LRRC8C: variants seen among roughly 807,000 people sequenced by gnomAD.
The protein encoded by LRRC8C is volume-regulated anion channel subunit LRRC8C.
In LRRC8C, 20 loss-of-function variants were observed where a neutral mutation model predicts 55.3. That is an observed-to-expected ratio of 0.36 (90% CI 0.25 to 0.53). The LOEUF is 0.53. LRRC8C is among the 20% of genes least tolerant of loss of function. The pLI is 0.92. For synonymous variants in LRRC8C, 376 were observed against 360.7 expected, an observed-to-expected ratio of 1.04 and a Z score of -0.48; for missense variants, 659 against 951.4, an observed-to-expected ratio of 0.69 and a Z score of 4.04.
At chr1:89,675,922 A>G (rs1657534777) in intron 1 of LRRC8C, among the ~76,000 whole-genome samples, 1 of 152,230 alleles carries the variant, frequency 6.6e-6, no homozygotes, top group Non-Finnish European at 1.5e-5. Flanking sequence ...TAATAGATAT[A>G]TGGAAAGAAA....
Position 89,714,930 on chromosome 1 carries a change from C to G in LRRC8C, c.2360C>G (p.Ala787Gly), listed in dbSNP as rs1300210026. ...LKRAGLVVED[A>G]LFETLPSDVR... Reference sequence around the variant, plus strand: ...CGAGCTGGTTTAGTTGTAGAAGATGCTCTGTTTGAAACTCTGCCTTCTGAC... The same window carrying G: ...CGAGCTGGTTTAGTTGTAGAAGATGGTCTGTTTGAAACTCTGCCTTCTGAC... Residue 787 changes from alanine to glycine, a missense_variant, in exon 3 of 3, where the codon GCT (alanine) becomes GGT (glycine). By Grantham distance (60) the Ala-to-Gly change is moderately conservative. Around this residue, in one of 5 missense-constraint regions of LRRC8C, gnomAD observed 344 missense variants for 464.6 expected, o/e 0.74. Coordinates refer to ENST00000370454, the MANE Select transcript of LRRC8C (RefSeq NM_032270.5). This position sits in a 1 kb window ranked among gnomAD's most constrained non-coding sequence, Gnocchi z 4.6. 1 of 1,608,622 alleles carries G rather than the reference C, an allele frequency of 6.2e-7. No individual in the cohort carries two copies. Among genetic ancestry groups the G allele is most frequent in the African/African-American group, 1.3e-5 (1 of 74,658 alleles).
chr1:89,615,899 A>G, the LRRC8C span, among the ~76,000 whole-genome samples: 3 of 152,256 alleles, frequency 2.0e-5, no homozygotes, highest in East Asian at 3.9e-4. Context: ...GCTTGTTTCC[A>G]TGGGAAATCA....
chr1:89,662,588 T>G (rs1223623107), intron 1 of LRRC8C, among the ~76,000 whole-genome samples: 1 of 152,146 alleles, frequency 6.6e-6, no homozygotes, highest in Non-Finnish European at 1.5e-5. Flanking sequence ...GGGTAGCAGC[T>G]AAGATGGGTC....
chr1:89,670,907 G>A (rs1418744454), intron 1 of LRRC8C, among the ~76,000 whole-genome samples: 5 of 152,164 alleles, frequency 3.3e-5, no homozygotes, highest in Non-Finnish European at 5.9e-5. Context: ...AAGCTAGTTG[G>A]TATGCATCTT....
the LRRC8C span, among the ~76,000 whole-genome samples, chr1:89,621,386 G>A: frequency 7.2e-5 from 11 of 151,916 alleles, no homozygotes; most frequent in Admixed American, 2.6e-4. Flanking sequence ...GGAGAATGGC[G>A]TGAACCCAGG....
chr1:89,680,236 C>T (rs1021763054), intron 1 of LRRC8C, among the ~76,000 whole-genome samples: 3 of 152,160 alleles, frequency 2.0e-5, no homozygotes, highest in Middle Eastern at 3.4e-3. Context: ...CACCACTACG[C>T]CCGGCTAATT....
chr1:89,700,758 T>A (rs1658295310), intron 2 of LRRC8C, among the ~76,000 whole-genome samples: 1 of 152,234 alleles, frequency 6.6e-6, no homozygotes, highest in South Asian at 2.1e-4. Context: ...GGAGGGAGGA[T>A]GAAGCATAAA....
intron 1 of LRRC8C, among the ~76,000 whole-genome samples, chr1:89,651,459 T>C (rs1656776126): frequency 6.8e-6 from 1 of 148,056 alleles, no homozygotes; most frequent in African/African-American, 2.5e-5. Context: ...TCCCAGCTAC[T>C]CGGGAGGCTG....
At chr1:89,620,486 T>C in the LRRC8C span, among the ~76,000 whole-genome samples, 1 of 150,204 alleles carries the variant, frequency 6.7e-6, no homozygotes, top group African/African-American at 2.4e-5. Flanking sequence ...TAAAGACACA[T>C]GCAAAATCAG....
At chr1:89,688,439 AAAT>A (rs1266980144) in intron 2 of LRRC8C, among the ~76,000 whole-genome samples, 2 of 152,254 alleles carry the variant, frequency 1.3e-5, no homozygotes, top group African/African-American at 4.8e-5. Context: ...CAATGGGAAA[AAAT>A]AAAGCATGCC....
chr1:89,675,688 A>G (rs544744986), intron 1 of LRRC8C, among the ~76,000 whole-genome samples: 74 of 152,388 alleles, frequency 4.9e-4, no homozygotes, highest in African/African-American at 1.7e-3. Flanking sequence ...ACCACAGCCA[A>G]TGATATTGAG....
At chr1:89,708,057 G>T (rs991975857) in intron 2 of LRRC8C, among the ~76,000 whole-genome samples, 5 of 151,966 alleles carry the variant, frequency 3.3e-5, no homozygotes, top group Non-Finnish European at 4.4e-5. Context: ...TTTGGATGAG[G>T]TTCTCTTGTT....
rs776215705 is a variant in LRRC8C at position 89,701,527 on chromosome 1, C to T, written c.139-11182C>T. Among the ~76,000 whole-genome samples, 5 of 151,180 alleles carry T rather than the reference C, an allele frequency of 3.3e-5. No individual in the cohort carries two copies. The South Asian group carries it at 6.3e-4, about 19-fold the overall frequency. ...GAAAAAGAACAATGGACTTTATTGT[C>T]GAGGATATAGGAAAGTAAGTATTTT... On this transcript the variant is annotated intron_variant, in intron 2 of 2. Coordinates refer to ENST00000370454, the MANE Select transcript of LRRC8C (RefSeq NM_032270.5).
upstream of LRRC8C, among the ~76,000 whole-genome samples, chr1:89,630,119 G>A (rs185043377): frequency 2.0e-5 from 3 of 151,982 alleles, no homozygotes; most frequent in East Asian, 3.9e-4. Flanking sequence ...TGCAGTCAGC[G>A]AGATCACACA....
At chr1:89,709,744 T>TTA (rs1658591201) in intron 2 of LRRC8C, among the ~76,000 whole-genome samples, 1 of 90,272 alleles carries the variant, frequency 1.1e-5, no homozygotes, top group Non-Finnish European at 2.4e-5. Flanking sequence ...GTGTGTGGTT[T>TTA]TTTTTTGTTT....
intron 1 of LRRC8C, among the ~76,000 whole-genome samples, chr1:89,684,951 C>T (rs1197778345): frequency 6.6e-6 from 1 of 152,084 alleles, no homozygotes; most frequent in Non-Finnish European, 1.5e-5. Flanking sequence ...ATTTTCAACA[C>T]TGTGTTAACA....
At chr1:89,702,051 A>G (rs1934041) in intron 2 of LRRC8C, among the ~76,000 whole-genome samples, 146,834 of 152,204 alleles carry the variant, frequency 0.96, 71,049 homozygotes, top group Middle Eastern at 1. Context: ...TGCTGGAGCC[A>G]GTACTTCAGA....
At chr1:89,697,241 A>G (rs577724526) in intron 2 of LRRC8C, among the ~76,000 whole-genome samples, 120 of 152,356 alleles carry the variant, frequency 7.9e-4, no homozygotes, top group African/African-American at 2.8e-3. Context: ...TTTTCCAATT[A>G]TTATAGTAAA....
chr1:89,718,508 G>A lies in LRRC8C; in HGVS notation c.*3526G>A, dbSNP rs1442663203. The A allele has an allele frequency of 6.6e-6, 1 of 152,098 alleles. No individual in the cohort carries two copies. Among genetic ancestry groups the A allele is most frequent in the Admixed American group, 6.6e-5 (1 of 15,264 alleles). 9.4% of individuals were successfully genotyped at this position (152,098 alleles called of 1,614,324 possible). A position where few individuals can be genotyped will look rare whatever the true frequency, so the allele number is the denominator to read the frequency against. On this transcript the variant is annotated 3_prime_UTR_variant, in exon 3 of 3. Transcript: ENST00000370454. ...ATTAACACTTCCCCCAAGAAGGGTT[G>A]TGCTGTTATTTATTTTCTATTATAA... is the stretch of plus-strand genomic sequence containing the variant.
Sources: allele counts gnomAD v4.1 joint callset (sites outside exome capture counted in the v4.1 genomes callset), GRCh38; gene constraint gnomAD v4.1.1; regional missense constraint gnomAD v4.1.1; non-coding constraint Gnocchi (gnomAD v3.1); transcripts MANE v1.5; gene names NCBI Gene and HGNC (gene_info 2026-07-23, HGNC 2026-07-21).